LRP1B: variants seen among roughly 807,000 people sequenced by gnomAD.
LRP1B encodes the protein LDL receptor related protein 1B.
Under a neutral mutation model 556.6 loss-of-function variants are expected in LRP1B, and 217 were observed. The ratio of observed to expected loss-of-function variants is 0.39; its 90% CI spans 0.35 to 0.44. LRP1B has a LOEUF of 0.44. Among genes scored for constraint, LRP1B ranks in the 20% least tolerant of loss-of-function variants. The pLI is 1.00. For synonymous variants in LRP1B, 2,047 were observed against 1,865.8 expected (o/e 1.10, Z -2.50); for missense variants, 5,053 against 5,620.8 (o/e 0.90, Z 3.23).
At position 140,930,148 on chromosome 2, in the gene LRP1B, G is replaced by A. The variant is rs16844971; in HGVS notation, c.3137-7001C>T. Among the ~76,000 whole-genome samples, 293 of 152,104 alleles carry A rather than the reference G, an allele frequency of 1.9e-3. 6 individuals are homozygous for A. The East Asian group carries it at 0.035, about 18-fold the overall frequency. Reference sequence around the variant, plus strand: ...CAATCTATCTTTGTAATAGATAGCCGTTGGACTTGTCCCAACAGACTGTTA... The same window carrying A: ...CAATCTATCTTTGTAATAGATAGCCATTGGACTTGTCCCAACAGACTGTTA... On this transcript the variant is annotated intron_variant, in intron 20 of 90. Transcript: ENST00000389484.
At chr2:140,336,507 C>A (rs1681110268) in intron 77 of LRP1B, among the ~76,000 whole-genome samples, 1 of 151,348 alleles carries the variant, frequency 6.6e-6, no homozygotes, top group Non-Finnish European at 1.5e-5. Context: ...AAAAAATTTT[C>A]AAAGAGTTTG....
At chr2:140,260,987 A>T (rs1026584450) in intron 86 of LRP1B, among the ~76,000 whole-genome samples, 1 of 151,370 alleles carries the variant, frequency 6.6e-6, no homozygotes, top group African/African-American at 2.4e-5. Flanking sequence ...GGTATATAGT[A>T]GTTGGTCAGT....
intron 6 of LRP1B, among the ~76,000 whole-genome samples, chr2:141,220,246 C>G (rs1342817691): frequency 1.3e-5 from 2 of 152,112 alleles, no homozygotes; most frequent in Non-Finnish European, 2.9e-5. Flanking sequence ...CCTGAAGGAG[C>G]TGAAAACACA....
rs1425296270 is a variant in LRP1B, at chr2:140,365,608, C to T, written c.11009-825G>A. Among the ~76,000 whole-genome samples, 10 of 151,528 alleles carry T rather than the reference C, an allele frequency of 6.6e-5. No individual in the cohort carries two copies. In the East Asian group the frequency reaches 9.7e-4, roughly 15 times the overall value. Reference sequence around the variant, plus strand: ...TAACTCTATTAATATCTCTGGGACTCAATGTTTTTATATGTTATAAAAGAG... The same window carrying T: ...TAACTCTATTAATATCTCTGGGACTTAATGTTTTTATATGTTATAAAAGAG... On this transcript the variant is annotated intron_variant, in intron 71 of 90. Coordinates refer to ENST00000389484, the MANE Select transcript of LRP1B (RefSeq NM_018557.3).
chr2:141,557,271 C>A lies in LRP1B; in HGVS notation c.206-76738G>T, dbSNP rs576282374. Among the ~76,000 whole-genome samples the A allele has an allele frequency of 4.6e-5, 7 of 151,814 alleles. No homozygotes were observed. The South Asian group carries it at 8.3e-4, about 18-fold the overall frequency. ...AAACAACAACGAAACGAAGAGAGTG[C>A]ACAGAAAGAAAAGTAAGCAAATAAT... On this transcript the variant is annotated intron_variant, in intron 2 of 90. Coordinates refer to ENST00000389484, the MANE Select transcript of LRP1B (RefSeq NM_018557.3).
intron 7 of LRP1B, among the ~76,000 whole-genome samples, chr2:141,083,274 A>C (rs1699969821): frequency 6.6e-6 from 1 of 152,152 alleles, no homozygotes; most frequent in South Asian, 2.1e-4. Context: ...CAATTAAACA[A>C]GTCTAAAGAA....
chr2:142,019,950 T>A (rs1161867030), intron 1 of LRP1B, among the ~76,000 whole-genome samples: 1 of 152,210 alleles, frequency 6.6e-6, no homozygotes, highest in Non-Finnish European at 1.5e-5. Context: ...TGGCTACAAT[T>A]TCTAATTACT....
intron 14 of LRP1B, among the ~76,000 whole-genome samples, 193 bp from the exon 15 acceptor site, chr2:141,005,650 A>G (rs762392909): frequency 1.3e-5 from 2 of 152,052 alleles, no homozygotes; most frequent in Non-Finnish European, 2.9e-5. Flanking sequence ...GTAGATAAGG[A>G]GAATTTTCTC....
chr2:141,673,691 G>T (rs1239115964), intron 2 of LRP1B, among the ~76,000 whole-genome samples: 1 of 151,904 alleles, frequency 6.6e-6, no homozygotes, highest in Non-Finnish European at 1.5e-5. Flanking sequence ...TTCTATAATT[G>T]TGCAATTTAT....
At chr2:141,231,872 C>T (rs1683487190) in intron 5 of LRP1B, among the ~76,000 whole-genome samples, 1 of 152,090 alleles carries the variant, frequency 6.6e-6, no homozygotes, top group African/African-American at 2.4e-5. Flanking sequence ...AAAAAAGCCT[C>T]AATGAGATTA....
chr2:140,708,101 G>T (rs1255305356), intron 37 of LRP1B, among the ~76,000 whole-genome samples: 1 of 151,988 alleles, frequency 6.6e-6, no homozygotes, highest in East Asian at 1.9e-4. Flanking sequence ...AATGGCAGAG[G>T]CAAATGGGTA....
At chr2:141,046,343 C>T (rs1223335908) in intron 11 of LRP1B, among the ~76,000 whole-genome samples, 1 of 152,034 alleles carries the variant, frequency 6.6e-6, no homozygotes, top group African/African-American at 2.4e-5. Context: ...TAAGTGAATA[C>T]ACATAGAATT....
chr2:141,083,218 A>T (rs1699968323), intron 7 of LRP1B, among the ~76,000 whole-genome samples: 1 of 152,148 alleles, frequency 6.6e-6, no homozygotes, highest in Admixed American at 6.6e-5. Context: ...ATATCTAAAA[A>T]TATAATAAAA....
intron 2 of LRP1B, among the ~76,000 whole-genome samples, chr2:141,521,822 C>G (rs1453303613): frequency 6.6e-6 from 1 of 151,988 alleles, no homozygotes; most frequent in Non-Finnish European, 1.5e-5. Flanking sequence ...ACAAATTAAT[C>G]TAAGTCCAGG....
intron 7 of LRP1B, among the ~76,000 whole-genome samples, chr2:141,166,346 A>G (rs1001715189): frequency 6.8e-6 from 1 of 146,402 alleles, no homozygotes; most frequent in African/African-American, 2.5e-5. Flanking sequence ...GCTTTTTCTG[A>G]CTAACATCTT....
At chr2:140,880,782 C>T (rs551055047) in intron 25 of LRP1B, among the ~76,000 whole-genome samples, 72 of 152,176 alleles carry the variant, frequency 4.7e-4, no homozygotes, top group African/African-American at 1.7e-3. Flanking sequence ...CATAGTTTTC[C>T]CATTAGCTGT....
intron 2 of LRP1B, among the ~76,000 whole-genome samples, chr2:141,676,432 A>T (rs1558798035): frequency 6.6e-6 from 1 of 152,158 alleles, no homozygotes; most frequent in Non-Finnish European, 1.5e-5. Context: ...GAATAGCTCC[A>T]TGTAAATCAT....
At chr2:141,563,300 G>A (rs184488336) in intron 2 of LRP1B, among the ~76,000 whole-genome samples, 2 of 152,110 alleles carry the variant, frequency 1.3e-5, no homozygotes, top group Admixed American at 1.3e-4. Flanking sequence ...GTAAGCACTA[G>A]AGCTTTTGAA....
chr2:141,905,264 T>A (rs759447142), intron 1 of LRP1B, among the ~76,000 whole-genome samples: 1 of 151,858 alleles, frequency 6.6e-6, no homozygotes, highest in Non-Finnish European at 1.5e-5. Flanking sequence ...AGGCATCTTC[T>A]TTAGCTGTAA....
Sources: gnomAD v4.1 joint callset for allele counts (sites outside exome capture counted in the v4.1 genomes callset) on GRCh38, gnomAD v4.1.1 for gene constraint, MANE v1.5 for transcripts, NCBI Gene and HGNC (gene_info 2026-07-23, HGNC 2026-07-21) for gene names.